The following SYNGR1 variants were observed in gnomAD, a reference collection of about 807,000 sequenced individuals.
SYNGR1 encodes synaptogyrin 1.
Under a neutral mutation model 26.1 loss-of-function variants are expected in SYNGR1, and 14 were observed. That is an observed-to-expected ratio of 0.54 (90% CI 0.35 to 0.84). SYNGR1 has a LOEUF of 0.84. Ranked by LOEUF, SYNGR1 falls within the 40% of genes least tolerant of loss-of-function variation. The pLI, the probability that SYNGR1 is intolerant of heterozygous loss-of-function variation, is 0.01. For synonymous variants in SYNGR1, 141 were observed against 150.1 expected, an observed-to-expected ratio of 0.94 and a Z score of 0.44; for missense variants, 319 against 332.9, an observed-to-expected ratio of 0.96 and a Z score of 0.33.
chr22:39,357,836 C>T lies in SYNGR1; in HGVS notation c.99+7727C>T, dbSNP rs1012292042. On this transcript the variant is annotated intron_variant, in intron 1 of 3. Coordinates refer to ENST00000328933, the MANE Select transcript of SYNGR1 (RefSeq NM_004711.5). ...TCACTGAGCCTTAGCTGCCTTCCCT[C>T]GGGGCAGGGCTCGGGACCTGCAGCC... 6.6e-5 allele frequency among the ~76,000 whole-genome samples: 10 copies of T among 152,350 alleles called. No individual in the cohort carries two copies. The Middle Eastern group carries it at 0.014, about 207-fold the overall frequency.
chr22:39,374,750 C>G lies in SYNGR1; in HGVS notation c.337+197C>G, dbSNP rs61637539. ...ACAGGGCCTGGGACCCCAAAATAAC[C>G]CATGCTGCCCACAGGCAGGGGAGCG... On this transcript the variant is annotated intron_variant, in intron 2 of 3. Transcript: ENST00000328933. 688 of 632,120 alleles carry G rather than the reference C, an allele frequency of 1.1e-3. 7 individuals are homozygous for G. Among genetic ancestry groups the G allele is most frequent in the African/African-American group, 9.0e-3 (494 of 54,814 alleles). The allele number at this position is 632,120 out of a possible 1,614,324, so 39.2% of individuals were successfully genotyped here. A position where few individuals can be genotyped will look rare whatever the true frequency, so the allele number is the denominator to read the frequency against.
At chr22:39,378,373 G>GTTCA (rs61426542) in intron 3 of SYNGR1, 545,651 of 868,322 alleles carry the variant, frequency 0.63, 169,163 homozygotes, top group East Asian at 0.97. Context: ...AAGCTCTTTT[G>GTTCA]TTCATTCATT....
At chr22:39,370,077 C>T (rs1486378295) in intron 1 of SYNGR1, among the ~76,000 whole-genome samples, 3 of 152,156 alleles carry the variant, frequency 2.0e-5, no homozygotes, top group East Asian at 1.9e-4. Flanking sequence ...AAGCAATCCT[C>T]CCACCTCAGT....
intron 3 of SYNGR1, among the ~76,000 whole-genome samples, chr22:39,378,555 C>T (rs987077702): frequency 6.6e-6 from 1 of 152,204 alleles, no homozygotes; most frequent in African/African-American, 2.4e-5. Flanking sequence ...CTCACCCATT[C>T]CTCCACTCTC....
At chr22:39,357,312 G>A (rs1924187020) in intron 1 of SYNGR1, among the ~76,000 whole-genome samples, 1 of 152,104 alleles carries the variant, frequency 6.6e-6, no homozygotes, top group South Asian at 2.1e-4. Context: ...TGCTTTGTAG[G>A]AGCCTGCAGC....
intron 1 of SYNGR1, among the ~76,000 whole-genome samples, chr22:39,365,472 A>G (rs1428702414): frequency 6.6e-6 from 1 of 152,162 alleles, no homozygotes; most frequent in Non-Finnish European, 1.5e-5. Flanking sequence ...ATTTCTGGGC[A>G]CACAGCAGGC....
intron 1 of SYNGR1, among the ~76,000 whole-genome samples, chr22:39,367,037 C>T (rs1924792912): frequency 6.6e-6 from 1 of 152,256 alleles, no homozygotes; most frequent in Non-Finnish European, 1.5e-5. Context: ...CTTCCCTGGG[C>T]TCGGGTCCCT....
chr22:39,356,240 A>G (rs1354222945), intron 1 of SYNGR1, among the ~76,000 whole-genome samples: 9 of 151,866 alleles, frequency 5.9e-5, no homozygotes. Context: ...TTTTTAGTAG[A>G]GACAGGGTTT....
chr22:39,364,280 G>A (rs1417927123), intron 1 of SYNGR1: 1 of 1,613,872 alleles, frequency 6.2e-7, no homozygotes, highest in East Asian at 2.2e-5. Context: ...AGCTGGAGGA[G>A]CAGGCCCGGA....
At chr22:39,370,940 G>A (rs1333580848) in intron 1 of SYNGR1, among the ~76,000 whole-genome samples, 6 of 152,046 alleles carry the variant, frequency 3.9e-5, no homozygotes, top group Non-Finnish European at 7.3e-5. Flanking sequence ...ACTTTTAATC[G>A]TGCTCCTTTC....
At chr22:39,377,916 T>C (rs939708107) in intron 3 of SYNGR1, 3 of 1,385,488 alleles carry the variant, frequency 2.2e-6, no homozygotes, top group African/African-American at 2.9e-5. Flanking sequence ...TGAGCAGCTG[T>C]TTTGTGCCTA....
chr22:39,381,108 C>G (rs1925483704), intron 3 of SYNGR1, among the ~76,000 whole-genome samples: 1 of 152,124 alleles, frequency 6.6e-6, no homozygotes, highest in Non-Finnish European at 1.5e-5. Flanking sequence ...AGCCGCGGTG[C>G]ATGGCCCCCA....
chr22:39,355,495 T>C (rs1924108096), intron 1 of SYNGR1, among the ~76,000 whole-genome samples: 1 of 152,232 alleles, frequency 6.6e-6, no homozygotes, highest in Admixed American at 6.5e-5. Flanking sequence ...CAGGGTCAGC[T>C]GCAAGGAGAC....
rs767314185 is a variant in SYNGR1 at position 39,372,438 on chromosome 22, C to CTTT, written c.100-1850_100-1848dup. 1.7e-3 allele frequency among the ~76,000 whole-genome samples: 95 copies of CTTT among 54,658 alleles called. 13 individuals carry two copies. The highest frequency in any genetic ancestry group is 4.2e-3 in the African/African-American group (45 of 10,646). 35.9% of individuals were successfully genotyped at this position (54,658 alleles called of 152,430 possible). A position where few individuals can be genotyped will look rare whatever the true frequency, so the allele number is the denominator to read the frequency against. On this transcript the variant is annotated intron_variant, in intron 1 of 3. Transcript: ENST00000328933. The stretch of plus-strand genomic sequence containing the variant: ...GAGCCACCATGCACCACGCCCAGCT[C>CTTT]TTTTTTTTTTTTTTTTTTTTTTTTT...
intron 1 of SYNGR1, among the ~76,000 whole-genome samples, chr22:39,367,257 G>A (rs1037721212): frequency 1.3e-5 from 2 of 152,216 alleles, no homozygotes; most frequent in South Asian, 2.1e-4. Flanking sequence ...GTGAACGAAC[G>A]GCTGATGTCA....
intron 1 of SYNGR1, among the ~76,000 whole-genome samples, chr22:39,356,848 G>A (rs1327785967): frequency 1.3e-5 from 2 of 152,190 alleles, no homozygotes; most frequent in African/African-American, 4.8e-5. Flanking sequence ...TCTATCAAAT[G>A]GGAAAAGGAT....
At chr22:39,353,765 G>T (rs1462244028) in intron 1 of SYNGR1, among the ~76,000 whole-genome samples, 1 of 152,246 alleles carries the variant, frequency 6.6e-6, no homozygotes, top group Non-Finnish European at 1.5e-5. Context: ...TGATTTAATA[G>T]AAAGGACCAC....
At chr22:39,363,912 C>T (rs1924608430) in intron 1 of SYNGR1, among the ~76,000 whole-genome samples, 1 of 152,170 alleles carries the variant, frequency 6.6e-6, no homozygotes, top group African/African-American at 2.4e-5. Flanking sequence ...GATGTCATCT[C>T]TCTGCAGCTT....
chr22:39,359,407 G>T (rs1452419830), intron 1 of SYNGR1, among the ~76,000 whole-genome samples: 2 of 151,830 alleles, frequency 1.3e-5, no homozygotes, highest in Non-Finnish European at 2.9e-5. Flanking sequence ...GGATCACAAG[G>T]TCAGGAGATC....
Sources: gnomAD v4.1 joint callset for allele counts (sites outside exome capture counted in the v4.1 genomes callset) on GRCh38, gnomAD v4.1.1 for gene constraint, MANE v1.5 for transcripts, NCBI Gene and HGNC (gene_info 2026-07-23, HGNC 2026-07-21) for gene names.